Variants in CYFIP2 observed in about 807,000 individuals in gnomAD.
The protein encoded by CYFIP2 is cytoplasmic FMR1 interacting protein 2, also known as cytoplasmic FMR1-interacting protein 2.
In CYFIP2, 29 loss-of-function variants were observed where a neutral mutation model predicts 158.7. That is an observed-to-expected ratio of 0.18 (90% CI 0.14 to 0.25). CYFIP2 has a LOEUF of 0.25. Ranked by LOEUF, CYFIP2 falls within the 10% of genes least tolerant of loss-of-function variation. The pLI is 1.00. For synonymous variants in CYFIP2, 585 were observed against 617.6 expected (o/e 0.95, Z 0.78); for missense variants, 852 against 1,639.5 (o/e 0.52, Z 8.29).
intron 26 of CYFIP2, among the ~76,000 whole-genome samples, chr5:157,362,237 C>T (rs1399819494): frequency 2.0e-5 from 3 of 152,162 alleles, no homozygotes; most frequent in East Asian, 1.9e-4. Context: ...TTCCAGGCCT[C>T]CTAAGAATAA....
At chr5:157,355,482 T>A (rs1183128790) in intron 23 of CYFIP2, among the ~76,000 whole-genome samples, 5 of 152,216 alleles carry the variant, frequency 3.3e-5, no homozygotes, top group Non-Finnish European at 7.3e-5. Flanking sequence ...TTTGGTATTA[T>A]CATCTCTACT....
chr5:157,298,401 G>A (rs547861297), intron 5 of CYFIP2, among the ~76,000 whole-genome samples: 21 of 151,990 alleles, frequency 1.4e-4, no homozygotes, highest in African/African-American at 3.9e-4. Flanking sequence ...ACACTATCTC[G>A]GCTCACTGCA....
Position 157,389,431 on chromosome 5 carries a change from A to G in CYFIP2, c.3446+4A>G. ...GAACCAACGAGTTCACAGCTGAGTG[A>G]GTACCCCCCAGAGAAGGCAGGGTTA... is the stretch of plus-strand genomic sequence containing the variant. On this transcript the variant is annotated splice_donor_region_variant and intron_variant, in intron 29 of 30. Transcript: ENST00000620254. 6.4e-7 allele frequency: 1 copy of G among 1,573,240 alleles called. No homozygotes were observed. Among genetic ancestry groups the G allele is most frequent in the Non-Finnish European group, 8.7e-7 (1 of 1,153,910 alleles).
chr5:157,285,963 TG>T (rs1325146731), intron 2 of CYFIP2, among the ~76,000 whole-genome samples: 4 of 152,222 alleles, frequency 2.6e-5, no homozygotes, highest in Non-Finnish European at 4.4e-5. Flanking sequence ...TTCCAAACTA[TG>T]ACCTATCAGG....
intron 4 of CYFIP2, among the ~76,000 whole-genome samples, chr5:157,295,606 C>A (rs939717251): frequency 6.6e-6 from 1 of 152,194 alleles, no homozygotes; most frequent in Admixed American, 6.5e-5. Context: ...AAAAATGGGA[C>A]CTGATTATTC....
chr5:157,313,954 G>A (rs967148854), intron 11 of CYFIP2, among the ~76,000 whole-genome samples: 2 of 152,130 alleles, frequency 1.3e-5, no homozygotes, highest in South Asian at 4.1e-4. Context: ...TTGAGGCTGG[G>A]TGTGGTGGCT....
intron 3 of CYFIP2, among the ~76,000 whole-genome samples, chr5:157,293,528 A>G (rs1047851027): frequency 6.6e-6 from 1 of 152,148 alleles, no homozygotes. Context: ...TGCTTATGAG[A>G]TAGTACATGG....
intron 8 of CYFIP2, among the ~76,000 whole-genome samples, chr5:157,306,633 C>T (rs1045375164): frequency 6.6e-6 from 1 of 152,156 alleles, no homozygotes; most frequent in African/African-American, 2.4e-5. Flanking sequence ...GTAATCCTAG[C>T]GCTTTGGGAG....
intron 18 of CYFIP2, among the ~76,000 whole-genome samples, chr5:157,327,564 CAA>C (rs34300898): frequency 2.8e-4 from 36 of 126,880 alleles, no homozygotes; most frequent in African/African-American, 7.8e-4. Flanking sequence ...GACTCTGTCT[CAA>C]AAAAAAAAAA....
At chr5:157,368,303 C>T (rs1764620802) in intron 26 of CYFIP2, among the ~76,000 whole-genome samples, 1 of 152,124 alleles carries the variant, frequency 6.6e-6, no homozygotes, top group Non-Finnish European at 1.5e-5. Context: ...AAGACTCATA[C>T]ATAGCAAATG....
chr5:157,280,210 G>C (rs1206228019), intron 1 of CYFIP2, among the ~76,000 whole-genome samples: 2 of 152,070 alleles, frequency 1.3e-5, no homozygotes, highest in Non-Finnish European at 2.9e-5. Flanking sequence ...TTGTGTGTGT[G>C]TGTGTGATGA....
Position 157,311,552 on chromosome 5 carries a change from G to A in CYFIP2, c.993-112G>A. The A allele has an allele frequency of 4.7e-6, 4 of 842,562 alleles. No individual in the cohort carries two copies. Among genetic ancestry groups the A allele is most frequent in the Non-Finnish European group, 7.5e-6 (4 of 533,242 alleles). 52.2% of individuals were successfully genotyped at this position (842,562 alleles called of 1,614,324 possible). A position where few individuals can be genotyped will look rare whatever the true frequency, so the allele number is the denominator to read the frequency against. On this transcript the variant is annotated intron_variant, in intron 10 of 30. Transcript: ENST00000620254. The surrounding 1 kb of genome is among the most constrained non-coding windows in gnomAD (Gnocchi z 4.7). ...GCTGAGGCGGCTGGGATACCATTTG[G>A]TGTCACCCAGGGGAGTTGGCCACGT...
chr5:157,386,651 G>A (rs1213269441), intron 28 of CYFIP2, among the ~76,000 whole-genome samples: 1 of 152,160 alleles, frequency 6.6e-6, no homozygotes. Context: ...TGGGCATGGT[G>A]GCTCACACCT....
Position 157,296,668 on chromosome 5 carries a change from C to T in CYFIP2, c.286-5C>T. 1 of 1,612,978 alleles carries T rather than the reference C, an allele frequency of 6.2e-7. No individual in the cohort carries two copies. ...GGATGTGTGTGTCCCCATTATCCCC[C>T]ACAGGTGAAATGCAACGAGCAGCCC... On this transcript the variant is annotated splice_polypyrimidine_tract_variant and splice_region_variant and intron_variant, in intron 4 of 30. Transcript: ENST00000620254.
intron 1 of CYFIP2, among the ~76,000 whole-genome samples, chr5:157,269,764 G>A (rs1561676516): frequency 6.6e-6 from 1 of 152,192 alleles, no homozygotes; most frequent in Admixed American, 6.5e-5. Context: ...TGAGCCAATG[G>A]GAAGCTTAAA....
intron 21 of CYFIP2, among the ~76,000 whole-genome samples, chr5:157,338,733 A>T (rs1762034508): frequency 2.0e-5 from 3 of 152,260 alleles, no homozygotes; most frequent in Admixed American, 2.0e-4. Context: ...GAAACTGGAA[A>T]GCAAGTAAGC....
At chr5:157,310,675 C>A (rs960197896) in intron 10 of CYFIP2, among the ~76,000 whole-genome samples, 1 of 152,232 alleles carries the variant, frequency 6.6e-6, no homozygotes, top group Non-Finnish European at 1.5e-5. Flanking sequence ...CTGAAGCTGG[C>A]TGGGAGCGGA....
chr5:157,342,980 T>C, intron 23 of CYFIP2: 2 of 1,614,250 alleles, frequency 1.2e-6, no homozygotes, highest in Admixed American at 1.7e-5. Flanking sequence ...TCTGGAGTTC[T>C]TGCGTGGCAT....
Position 157,394,924 on chromosome 5 carries a change from G to A in CYFIP2, c.*1924G>A, listed in dbSNP as rs1035760003. 1 of 152,446 alleles carries A rather than the reference G, an allele frequency of 6.6e-6. No individual in the cohort carries two copies. The highest frequency in any genetic ancestry group is 1.5e-5 in the Non-Finnish European group (1 of 68,244). 9.4% of individuals were successfully genotyped at this position (152,446 alleles called of 1,614,324 possible). A position where few individuals can be genotyped will look rare whatever the true frequency, so the allele number is the denominator to read the frequency against. On this transcript the variant is annotated 3_prime_UTR_variant, in exon 31 of 31. Transcript: ENST00000620254. ...CTTTCAAAACATATAAAATGTCAAA[G>A]TTCCAGATCCTTCTACATCTTTAGT...
Sources: allele counts gnomAD v4.1 joint callset (sites outside exome capture counted in the v4.1 genomes callset), GRCh38; gene constraint gnomAD v4.1.1; non-coding constraint Gnocchi (gnomAD v3.1); transcripts MANE v1.5; gene names NCBI Gene and HGNC (gene_info 2026-07-23, HGNC 2026-07-21).